FAM169A: variants seen among roughly 807,000 people sequenced by gnomAD.
The protein encoded by FAM169A is family with sequence similarity 169 member A.
A neutral mutation model predicts 75.7 loss-of-function variants in FAM169A; 24 were observed. The ratio of observed to expected loss-of-function variants is 0.32; its 90% CI spans 0.23 to 0.45. The LOEUF (loss-of-function observed/expected upper bound fraction) is 0.45, where lower values mean the gene tolerates loss of function less well. Among genes scored for constraint, FAM169A ranks in the 20% least tolerant of loss-of-function variants. FAM169A has a pLI of 1.00. For missense variants in FAM169A, 673 were observed against 784.0 expected (o/e 0.86, Z 1.69); for synonymous variants, 271 against 271.0 (o/e 1.00, Z 0.00).
At chr5:74,866,873 CGAGG>C, upstream of FAM169A, 1 of 985,528 alleles carries the variant, frequency 1.0e-6, no homozygotes. Context: ...AGGGCACGGG[CGAGG>C]ACCGCCGGCC....
At position 74,777,664 on chromosome 5, in the gene FAM169A, T is replaced by C. The variant is rs967956476; in HGVS notation, c.*3796A>G. The C allele has an allele frequency of 1.3e-5, 2 of 152,046 alleles. No homozygotes were observed. The highest frequency in any genetic ancestry group is 4.8e-5 in the African/African-American group (2 of 41,448). 9.4% of individuals were successfully genotyped at this position (152,046 alleles called of 1,614,324 possible). ...TTGTGCCTTTAACAAAGTCATTCAA[T>C]GTCTAAACAAATTCAGTATCTGAAA... is the stretch of plus-strand genomic sequence containing the variant. On this transcript the variant is annotated 3_prime_UTR_variant, in exon 13 of 13. Coordinates refer to ENST00000687041, the MANE Select transcript of FAM169A (RefSeq NM_001376049.1).
chr5:74,848,320 G>A (rs563297326), intron 1 of FAM169A, among the ~76,000 whole-genome samples: 33 of 152,204 alleles, frequency 2.2e-4, no homozygotes, highest in African/African-American at 7.9e-4. Context: ...TGCCCCATTT[G>A]ATAGATGAAG....
chr5:74,819,163 G>A (rs1361954153), intron 5 of FAM169A, among the ~76,000 whole-genome samples: 3 of 151,078 alleles, frequency 2.0e-5, no homozygotes, highest in Admixed American at 1.3e-4. Context: ...AGGTTGCAGC[G>A]AGCTGAGATT....
At chr5:74,822,443 G>A (rs1747811458) in intron 5 of FAM169A, among the ~76,000 whole-genome samples, 1 of 152,168 alleles carries the variant, frequency 6.6e-6, no homozygotes, top group South Asian at 2.1e-4. Context: ...TGGACAGCTA[G>A]CAGCCTCAGC....
chr5:74,800,043 G>A (rs1368981144), intron 10 of FAM169A: 19 of 736,224 alleles, frequency 2.6e-5, no homozygotes, highest in Non-Finnish European at 4.2e-5. Flanking sequence ...CATCGATGGA[G>A]AGCCATGACA....
intron 5 of FAM169A, among the ~76,000 whole-genome samples, chr5:74,826,013 C>T (rs1748003961): frequency 6.6e-6 from 1 of 152,080 alleles, no homozygotes; most frequent in African/African-American, 2.4e-5. Flanking sequence ...TTCTCTCCTC[C>T]TGAAACATGT....
At position 74,779,139 on chromosome 5, in the gene FAM169A, T is replaced by C. The variant is rs1745280249; in HGVS notation, c.*2321A>G. The C allele has an allele frequency of 1.3e-5, 2 of 152,118 alleles. No homozygotes were observed. 9.4% of individuals were successfully genotyped at this position (152,118 alleles called of 1,614,324 possible). A position where few individuals can be genotyped will look rare whatever the true frequency, so the allele number is the denominator to read the frequency against. ...ACTTCTAAATTGTTTACAATTCACT[T>C]ACTATTTAACCCAAACAAGTTTAAC... On this transcript the variant is annotated 3_prime_UTR_variant, in exon 13 of 13. Transcript: ENST00000687041.
chr5:74,791,324 A>G (rs921839578), intron 11 of FAM169A, among the ~76,000 whole-genome samples: 8 of 152,190 alleles, frequency 5.3e-5, no homozygotes, highest in African/African-American at 1.9e-4. Context: ...CAGGGGTAAA[A>G]GTGGAAATGG....
intron 10 of FAM169A, chr5:74,800,013 C>T (rs1052464955): frequency 2.7e-5 from 21 of 778,172 alleles, no homozygotes; most frequent in South Asian, 1.4e-4. Context: ...GAAAGATTGT[C>T]GCAAATATTG....
rs1035803069 is a variant in FAM169A at position 74,778,452 on chromosome 5, T to C, written c.*3008A>G. The C allele has an allele frequency of 6.6e-6, 1 of 152,006 alleles. No individual in the cohort carries two copies. Among genetic ancestry groups the C allele is most frequent in the South Asian group, 2.1e-4 (1 of 4,826 alleles). The allele number at this position is 152,006 out of a possible 1,614,324, so 9.4% of individuals were successfully genotyped here. On this transcript the variant is annotated 3_prime_UTR_variant, in exon 13 of 13. Coordinates refer to ENST00000687041, the MANE Select transcript of FAM169A (RefSeq NM_001376049.1). ...AAGATTTCTAGTCACTGAAACCCCA[T>C]TGTAGGTAGTGTTCTGGAGTCTGCT... is the stretch of plus-strand genomic sequence containing the variant.
In FAM169A at chr5:74,866,326, C is replaced by T. The variant is rs1340882989; in HGVS notation, c.-165G>A. On this transcript the variant is annotated 5_prime_UTR_variant, in exon 1 of 13. Coordinates refer to ENST00000687041, the MANE Select transcript of FAM169A (RefSeq NM_001376049.1). ...GCGGCTGCCTCCCGCTCGCCCCGGA[C>T]GCCCGGCTCCTCGTCGCGGGTCGGC... The T allele has an allele frequency of 3.0e-6, 3 of 984,376 alleles. No homozygotes were observed. Among genetic ancestry groups the T allele is most frequent in the Non-Finnish European group, 3.6e-6 (3 of 829,618 alleles). The allele number at this position is 984,376 out of a possible 1,614,324, so 61.0% of individuals were successfully genotyped here.
At position 74,781,932 on chromosome 5, in the gene FAM169A, A is replaced by G. The variant is rs749034401; in HGVS notation, c.1541T>C (p.Leu514Ser). ...TGCTTTCTTTCTTGGAAGTAGGGAC[A>G]ATTTCTCTTCCATGTGCCCCTTTTC... ...SDEKGHMEEK[L>S]SLLPRKKAHL... is the part of the protein sequence containing the mutation. The change falls in exon 13 of 13, where the codon TTG becomes TCG. Residue 514 changes from leucine (L) to serine (S), a missense_variant. Leu to Ser is a moderately radical substitution (Grantham distance 145). Transcript: ENST00000687041. The G allele has an allele frequency of 3.1e-6, 5 of 1,614,026 alleles. No individual in the cohort carries two copies. Among genetic ancestry groups the G allele is most frequent in the Non-Finnish European group, 4.2e-6 (5 of 1,179,940 alleles).
At chr5:74,800,160 C>A (rs550674765) in intron 10 of FAM169A, 4 of 436,458 alleles carry the variant, frequency 9.2e-6, no homozygotes, top group African/African-American at 6.0e-5. Flanking sequence ...AGGAAGCCAG[C>A]CCCAAGGAAA....
Position 74,780,281 on chromosome 5 carries a change from C to G in FAM169A, c.*1179G>C, listed in dbSNP as rs1028644463. On this transcript the variant is annotated 3_prime_UTR_variant, in exon 13 of 13. Coordinates refer to ENST00000687041, the MANE Select transcript of FAM169A (RefSeq NM_001376049.1). Reference sequence around the variant, plus strand: ...ACAGCTCCCCCAAAGGCAGTTTACCCCTGCCATATAGGTCTAACACTGGGG... The same window carrying G: ...ACAGCTCCCCCAAAGGCAGTTTACCGCTGCCATATAGGTCTAACACTGGGG... 6.6e-6 allele frequency: 1 copy of G among 152,202 alleles called. No individual in the cohort carries two copies. Among genetic ancestry groups the G allele is most frequent in the Non-Finnish European group, 1.5e-5 (1 of 68,084 alleles). The allele number at this position is 152,202 out of a possible 1,614,324, so 9.4% of individuals were successfully genotyped here.
At chr5:74,835,539 T>C (rs950155535) in intron 4 of FAM169A, among the ~76,000 whole-genome samples, 5 of 148,520 alleles carry the variant, frequency 3.4e-5, no homozygotes, top group Non-Finnish European at 5.9e-5. Context: ...GAGGTTGAGG[T>C]TGCAGTGAGC....
At chr5:74,844,463 C>CA (rs1034796615) in intron 1 of FAM169A, among the ~76,000 whole-genome samples, 8 of 149,842 alleles carry the variant, frequency 5.3e-5, no homozygotes, top group Admixed American at 1.3e-4. Context: ...AAAACAAAAA[C>CA]AAAAAAACAA....
intron 1 of FAM169A, among the ~76,000 whole-genome samples, chr5:74,844,113 G>A (rs1425360596): frequency 1.3e-5 from 2 of 152,304 alleles, no homozygotes; most frequent in East Asian, 3.9e-4. Context: ...TAACTTAAGA[G>A]ACATGTCAAT....
At chr5:74,810,038 C>T (rs1747094788) in intron 6 of FAM169A, among the ~76,000 whole-genome samples, 1 of 152,066 alleles carries the variant, frequency 6.6e-6, no homozygotes, top group Non-Finnish European at 1.5e-5. Flanking sequence ...TTTCATGCAG[C>T]TTTATTCATA....
intron 11 of FAM169A, among the ~76,000 whole-genome samples, chr5:74,783,727 A>T (rs1358872691): frequency 6.6e-6 from 1 of 152,194 alleles, no homozygotes; most frequent in Non-Finnish European, 1.5e-5. Flanking sequence ...AAGTATGGAA[A>T]TGCTATTTGA....
Sources: allele counts gnomAD v4.1 joint callset (sites outside exome capture counted in the v4.1 genomes callset), GRCh38; gene constraint gnomAD v4.1.1; transcripts MANE v1.5; gene names NCBI Gene and HGNC (gene_info 2026-07-23, HGNC 2026-07-21).